Variants in OR1J2 observed in about 807,000 individuals in gnomAD.
The protein encoded by OR1J2 is olfactory receptor 1J2.
For synonymous variants in OR1J2, 142 were observed against 99.7 expected, an observed-to-expected ratio of 1.42 and a Z score of -2.52; for missense variants, 304 against 246.1, an observed-to-expected ratio of 1.24 and a Z score of -1.57.
the OR1J2 span, among the ~76,000 whole-genome samples, chr9:122,570,831 T>C: frequency 6.6e-6 from 1 of 152,202 alleles, no homozygotes; most frequent in Admixed American, 6.5e-5. Context: ...AAATATTTAT[T>C]GAAAATGTAT....
the OR1J2 span, among the ~76,000 whole-genome samples, chr9:122,569,742 A>G: frequency 5.3e-5 from 8 of 152,082 alleles, no homozygotes; most frequent in Middle Eastern, 6.8e-3. Flanking sequence ...AGTTTGTTAC[A>G]TATGTATACA....
chr9:122,561,135 G>A, the OR1J2 span, among the ~76,000 whole-genome samples: 7 of 152,092 alleles, frequency 4.6e-5, no homozygotes, highest in South Asian at 2.1e-4. Flanking sequence ...TGATACTTGC[G>A]TATGCTTCAT....
upstream of OR1J2, among the ~76,000 whole-genome samples, chr9:122,507,851 A>T (rs138307925): frequency 6.6e-6 from 1 of 152,276 alleles, no homozygotes; most frequent in African/African-American, 2.4e-5. Flanking sequence ...TTTGCTGAGC[A>T]CTATGCAAGC....
the OR1J2 span, among the ~76,000 whole-genome samples, chr9:122,467,252 ACT>A: frequency 6.6e-6 from 1 of 152,300 alleles, no homozygotes; most frequent in African/African-American, 2.4e-5. Context: ...CCAAAAAGCC[ACT>A]GACTACTTTT....
chr9:122,530,611 G>A, the OR1J2 span, among the ~76,000 whole-genome samples: 8 of 152,174 alleles, frequency 5.3e-5, no homozygotes, highest in African/African-American at 1.4e-4. Flanking sequence ...TATTTTTCAT[G>A]CACGTCTGTG....
chr9:122,526,920 C>A, the OR1J2 span: 2 of 1,614,132 alleles, frequency 1.2e-6, no homozygotes, highest in Admixed American at 1.7e-5. Flanking sequence ...GAGGGGGTGG[C>A]AAATGGCCAC....
At chr9:122,450,816 T>G in the OR1J2 span, among the ~76,000 whole-genome samples, 23 of 152,324 alleles carry the variant, frequency 1.5e-4, no homozygotes, top group African/African-American at 5.5e-4. Flanking sequence ...TTTGACTGTT[T>G]TAGATTTCAC....
At chr9:122,461,477 A>G in the OR1J2 span, among the ~76,000 whole-genome samples, 1 of 150,632 alleles carries the variant, frequency 6.6e-6, no homozygotes, top group East Asian at 1.9e-4. Context: ...TTGGATTGTT[A>G]TTGTTTCTCC....
chr9:122,553,735 A>G, the OR1J2 span: 1 of 1,613,980 alleles, frequency 6.2e-7, no homozygotes, highest in Non-Finnish European at 8.5e-7. Context: ...TGTGCCCAGA[A>G]AGCCATCCCT....
the OR1J2 span, among the ~76,000 whole-genome samples, chr9:122,536,888 C>T: frequency 6.6e-6 from 1 of 152,058 alleles, no homozygotes; most frequent in African/African-American, 2.4e-5. Context: ...GCTTTATTTC[C>T]GGGTTCTCTA....
the OR1J2 span, chr9:122,527,421 T>C: frequency 1.6e-6 from 1 of 614,070 alleles, no homozygotes; most frequent in Non-Finnish European, 2.9e-6. Context: ...ATCTTCATTC[T>C]GATCCTGCTT....
chr9:122,553,920 A>T, the OR1J2 span: 1 of 1,613,316 alleles, frequency 6.2e-7, no homozygotes, highest in Non-Finnish European at 8.5e-7. Flanking sequence ...TCCTGGAGGG[A>T]GATGGAAGGC....
At chr9:122,504,105 CT>C in the OR1J2 span, among the ~76,000 whole-genome samples, 1 of 152,290 alleles carries the variant, frequency 6.6e-6, no homozygotes, top group Admixed American at 6.5e-5. Context: ...CTGTCCAGAC[CT>C]ACTAAGGCCC....
the OR1J2 span, among the ~76,000 whole-genome samples, chr9:122,574,144 C>T: frequency 3.9e-5 from 6 of 152,012 alleles, no homozygotes; most frequent in African/African-American, 1.4e-4. Flanking sequence ...TAGTGTCAGT[C>T]CTCCAGTTTG....
the OR1J2 span, chr9:122,478,021 A>C: frequency 2.4e-6 from 2 of 835,096 alleles, no homozygotes; most frequent in Non-Finnish European, 3.7e-6. Flanking sequence ...TATAATAGAG[A>C]TGTTCTTTTG....
the OR1J2 span, among the ~76,000 whole-genome samples, chr9:122,503,374 T>C: frequency 3.3e-5 from 5 of 152,210 alleles, no homozygotes; most frequent in Admixed American, 3.3e-4. Flanking sequence ...AGCATTTGTC[T>C]GAGCTGCTAT....
At chr9:122,535,881 A>G in the OR1J2 span, among the ~76,000 whole-genome samples, 2 of 152,086 alleles carry the variant, frequency 1.3e-5, no homozygotes, top group African/African-American at 4.8e-5. Flanking sequence ...CCGTTTTTAT[A>G]AGATTTGGGT....
chr9:122,465,656 C>G, the OR1J2 span, among the ~76,000 whole-genome samples: 1 of 152,186 alleles, frequency 6.6e-6, no homozygotes, highest in Non-Finnish European at 1.5e-5. Context: ...CTCAAAGCTT[C>G]TAAGTACATT....
the OR1J2 span, among the ~76,000 whole-genome samples, chr9:122,503,613 CA>C: frequency 6.6e-6 from 1 of 152,182 alleles, no homozygotes; most frequent in Non-Finnish European, 1.5e-5. Flanking sequence ...CTCTGGTAGG[CA>C]TTGACATAAG....
Sources: gnomAD v4.1 joint callset for allele counts (sites outside exome capture counted in the v4.1 genomes callset) on GRCh38, gnomAD v4.1.1 for gene constraint, MANE v1.5 for transcripts, NCBI Gene and HGNC (gene_info 2026-07-23, HGNC 2026-07-21) for gene names.